The following LIN7A variants were observed in gnomAD, a reference collection of about 807,000 sequenced individuals.
LIN7A encodes protein lin-7 homolog A.
Under a neutral mutation model 29.8 loss-of-function variants are expected in LIN7A, and 25 were observed. The ratio of observed to expected loss-of-function variants is 0.84; its 90% confidence interval spans 0.61 to 1.17. The LOEUF is 1.17. Among genes scored for constraint, LIN7A ranks in the 50% most tolerant of loss-of-function variants. The probability of loss-of-function intolerance (pLI) is 0.00; values close to 1 mark genes in which losing one functional copy is unlikely to be tolerated. For missense variants in LIN7A, 239 were observed against 287.0 expected, an observed-to-expected ratio of 0.83 and a Z score of 1.21; for synonymous variants, 118 against 107.5, an observed-to-expected ratio of 1.10 and a Z score of -0.60.
At chr12:80,875,440 A>G (rs1454228746) in intron 2 of LIN7A, among the ~76,000 whole-genome samples, 2 of 152,164 alleles carry the variant, frequency 1.3e-5, no homozygotes, top group Non-Finnish European at 2.9e-5. Flanking sequence ...TTACTACACG[A>G]AACTCATGTG....
intron 4 of LIN7A, among the ~76,000 whole-genome samples, chr12:80,827,728 A>G (rs769562052): frequency 7.2e-5 from 11 of 152,092 alleles, no homozygotes; most frequent in African/African-American, 1.7e-4. Flanking sequence ...CTCTGTTTTA[A>G]TAACCCCCCA....
intron 1 of LIN7A, among the ~76,000 whole-genome samples, chr12:80,916,465 G>A (rs1290882026): frequency 6.6e-6 from 1 of 151,994 alleles, no homozygotes; most frequent in Non-Finnish European, 1.5e-5. Context: ...GAACATTACT[G>A]CCTCAAGGCA....
At chr12:80,865,554 A>G (rs1472022064) in intron 2 of LIN7A, among the ~76,000 whole-genome samples, 2 of 152,200 alleles carry the variant, frequency 1.3e-5, no homozygotes, top group Non-Finnish European at 2.9e-5. Context: ...GTCATATTAG[A>G]CAACAATGTA....
At chr12:80,860,629 T>A (rs1873821733) in intron 2 of LIN7A, among the ~76,000 whole-genome samples, 1 of 152,114 alleles carries the variant, frequency 6.6e-6, no homozygotes, top group African/African-American at 2.4e-5. Context: ...GGAATCAAAG[T>A]CTTCAGAACC....
At position 80,915,159 on chromosome 12, in the gene LIN7A, A is replaced by AAAAAAAC. The variant is rs1298567192; in HGVS notation, c.82+22481_82+22482insGTTTTTT. Among the ~76,000 whole-genome samples, 289 of 151,670 alleles carry AAAAAAAC rather than the reference A, an allele frequency of 1.9e-3. 1 individual carries two copies. Among genetic ancestry groups the AAAAAAAC allele is most frequent in the African/African-American group, 6.8e-3 (282 of 41,402 alleles). ...GGAACTTAAATCAACAAGCAAAAAA[A>AAAAAAAC]AAAAAAACAAAAAAACAAAAAAAAT... On this transcript the variant is annotated intron_variant, in intron 1 of 5. Coordinates refer to ENST00000552864, the MANE Select transcript of LIN7A (RefSeq NM_004664.4).
intron 1 of LIN7A, among the ~76,000 whole-genome samples, chr12:80,922,564 TG>T (rs1446342533): frequency 1.8e-4 from 28 of 152,304 alleles, no homozygotes; most frequent in Admixed American, 1.2e-3. Flanking sequence ...TAGCACAGCC[TG>T]GGAAGAAGGA....
At chr12:80,875,074 T>C (rs2120528686) in intron 2 of LIN7A, among the ~76,000 whole-genome samples, 1 of 152,334 alleles carries the variant, frequency 6.6e-6, no homozygotes, top group East Asian at 1.9e-4. Context: ...GTTTTAGCTA[T>C]TACCCATAAC....
intron 2 of LIN7A, among the ~76,000 whole-genome samples, chr12:80,862,213 G>T (rs1180793345): frequency 6.6e-6 from 1 of 152,130 alleles, no homozygotes; most frequent in Admixed American, 6.5e-5. Flanking sequence ...CCTGCAAAAA[G>T]AGTTTCATCA....
intron 1 of LIN7A, among the ~76,000 whole-genome samples, chr12:80,916,223 T>A (rs1877024797): frequency 6.6e-6 from 1 of 152,196 alleles, no homozygotes; most frequent in African/African-American, 2.4e-5. Flanking sequence ...CTGAGTGAGT[T>A]TATTCAAACA....
intron 2 of LIN7A, among the ~76,000 whole-genome samples, chr12:80,880,884 T>C (rs142959981): frequency 6.6e-6 from 1 of 152,128 alleles, no homozygotes; most frequent in South Asian, 2.1e-4. Flanking sequence ...CAAATGGGAA[T>C]GCCACAGCTG....
At chr12:80,901,684 A>G (rs185354291) in intron 1 of LIN7A, among the ~76,000 whole-genome samples, 295 of 137,938 alleles carry the variant, frequency 2.1e-3, no homozygotes, top group Non-Finnish European at 3.9e-3. Flanking sequence ...TTATAAAGAA[A>G]CTACAAATTT....
chr12:80,807,653 G>A (rs1021598709), intron 5 of LIN7A, among the ~76,000 whole-genome samples: 1 of 152,132 alleles, frequency 6.6e-6, no homozygotes, highest in African/African-American at 2.4e-5. Context: ...GAGTGTAAAT[G>A]TTTAACTAAG....
chr12:80,858,228 A>G (rs1022869336), intron 2 of LIN7A, among the ~76,000 whole-genome samples: 2 of 152,208 alleles, frequency 1.3e-5, no homozygotes, highest in Admixed American at 6.5e-5. Context: ...TTCAAAACTA[A>G]TTATTCTATT....
chr12:80,811,426 T>C lies in LIN7A; in HGVS notation c.*39A>G, dbSNP rs1410869954. On this transcript the variant is annotated intron_variant, in intron 5 of 5. Coordinates refer to ENST00000552864, the MANE Select transcript of LIN7A (RefSeq NM_004664.4). ...ATACATATATGTGTGTGTGTATATATATATATATACTCCTTGTATAGAATA... is the reference window on the plus strand; with the variant it reads ...ATACATATATGTGTGTGTGTATATACATATATATACTCCTTGTATAGAATA... 3 of 745,768 alleles carry C rather than the reference T, an allele frequency of 4.0e-6. No individual in the cohort carries two copies. In the East Asian group the frequency reaches 8.1e-5, roughly 20 times the overall value. The allele number at this position is 745,768 out of a possible 1,614,324, so 46.2% of individuals were successfully genotyped here.
At chr12:80,905,024 C>T (rs1033293235) in intron 1 of LIN7A, among the ~76,000 whole-genome samples, 2 of 151,688 alleles carry the variant, frequency 1.3e-5, no homozygotes, top group South Asian at 2.1e-4. Flanking sequence ...TTTTCTTTAT[C>T]GTTTGACTAG....
intron 4 of LIN7A, among the ~76,000 whole-genome samples, chr12:80,843,304 T>A (rs1209888480): frequency 6.6e-6 from 1 of 152,154 alleles, no homozygotes; most frequent in Non-Finnish European, 1.5e-5. Context: ...TATTTTCAAC[T>A]GTCAATCTAA....
At chr12:80,822,841 G>A (rs909069752) in intron 4 of LIN7A, among the ~76,000 whole-genome samples, 3 of 152,104 alleles carry the variant, frequency 2.0e-5, no homozygotes, top group African/African-American at 7.2e-5. Context: ...CTCCTGGGTG[G>A]AAAGGGGTGG....
At position 80,807,077 on chromosome 12, in the gene LIN7A, T is replaced by TTTTTTTTTTTTGTTG. The variant is rs1555221360; in HGVS notation, c.*4387_*4388insCAACAAAAAAAAAAA. On this transcript the variant is annotated intron_variant, in intron 5 of 5. Transcript: ENST00000552864. ...ATGAAGATGGAGTTTTTTTTTTTTTTTTTTTTTTTTTTTTGACGGAGTCTC... is the reference window on the plus strand; with the variant it reads ...ATGAAGATGGAGTTTTTTTTTTTTTTTTTTTTTTTTTGTTGTTTTTTTTTTTTTTGACGGAGTCTC... 5.4e-4 allele frequency among the ~76,000 whole-genome samples: 62 copies of TTTTTTTTTTTTGTTG among 115,550 alleles called. 3 individuals are homozygous for TTTTTTTTTTTTGTTG. The highest frequency in any genetic ancestry group is 1.9e-3 in the African/African-American group (59 of 30,842). 75.8% of individuals were successfully genotyped at this position (115,550 alleles called of 152,430 possible).
At chr12:80,845,630 A>G in intron 4 of LIN7A, 100 bp downstream of exon 4, 1 of 898,372 alleles carries the variant, frequency 1.1e-6, no homozygotes, top group Admixed American at 2.6e-5. Flanking sequence ...CATAAAATGA[A>G]TATTTATTCT....
Sources: allele counts gnomAD v4.1 joint callset (sites outside exome capture counted in the v4.1 genomes callset), GRCh38; gene constraint gnomAD v4.1.1; transcripts MANE v1.5; gene names NCBI Gene and HGNC (gene_info 2026-07-23, HGNC 2026-07-21).